Variants in VAMP7 observed in about 807,000 individuals in gnomAD.
VAMP7 encodes the protein vesicle-associated membrane protein 7.
A neutral mutation model predicts 29.6 loss-of-function variants in VAMP7; 14 were observed. The ratio of observed to expected loss-of-function variants is 0.47; its 90% CI spans 0.31 to 0.74. VAMP7 has a LOEUF of 0.74. Ranked by LOEUF, VAMP7 falls within the 30% of genes least tolerant of loss-of-function variation. The pLI, the probability that VAMP7 is intolerant of heterozygous loss-of-function variation, is 0.05. For missense variants in VAMP7, 223 were observed against 262.4 expected, an observed-to-expected ratio of 0.85 and a Z score of 1.04; for synonymous variants, 95 against 88.1, an observed-to-expected ratio of 1.08 and a Z score of -0.44.
rs904016867 is a variant in VAMP7 at position 155,923,506 on chromosome X, G to A, written c.501+3626G>A. On this transcript the variant is annotated intron_variant, in intron 6 of 7. Transcript: ENST00000286448. ...TTCTTTCTTTTAATACTTGATGAAC[G>A]GTGGTTCATCACTGTCTTTTACATT... Among the ~76,000 whole-genome samples, 28 of 151,082 alleles carry A rather than the reference G, an allele frequency of 1.9e-4. 1 individual carries two copies. The highest frequency in any genetic ancestry group is 3.8e-4 in the Non-Finnish European group (26 of 67,726).
intron 1 of VAMP7, among the ~76,000 whole-genome samples, chrX:155,885,223 A>G (rs2065851507): frequency 1.3e-5 from 2 of 152,158 alleles, no homozygotes; most frequent in Non-Finnish European, 2.9e-5. Flanking sequence ...TTAACATAGT[A>G]AAAACAGGCT....
At chrX:155,898,587 G>C (rs1443513970) in intron 4 of VAMP7, among the ~76,000 whole-genome samples, 1 of 151,992 alleles carries the variant, frequency 6.6e-6, no homozygotes, top group Non-Finnish European at 1.5e-5. Flanking sequence ...ACCCTTCCAT[G>C]AGGGAAATTT....
At chrX:155,899,083 A>G (rs2066025256) in intron 4 of VAMP7, among the ~76,000 whole-genome samples, 1 of 152,050 alleles carries the variant, frequency 6.6e-6, no homozygotes, top group African/African-American at 2.4e-5. Context: ...GCTATCATGA[A>G]TAAAGCTGCT....
chrX:155,907,527 C>T lies in VAMP7; in HGVS notation c.433+6940C>T, dbSNP rs1334050496. On this transcript the variant is annotated intron_variant, in intron 5 of 7. Transcript: ENST00000286448. Reference sequence around the variant, plus strand: ...CTGTTTAACAAAGCACATCTTGCACCGCCCTTAATCCATTTAACCCTGAGT... The same window carrying T: ...CTGTTTAACAAAGCACATCTTGCACTGCCCTTAATCCATTTAACCCTGAGT... Among the ~76,000 whole-genome samples the T allele has an allele frequency of 1.5e-4, 23 of 151,188 alleles. No homozygotes were observed. The East Asian group carries it at 1.7e-3, about 12-fold the overall frequency.
intron 5 of VAMP7, among the ~76,000 whole-genome samples, chrX:155,912,429 T>A (rs769188668): frequency 6.6e-6 from 1 of 152,224 alleles, no homozygotes; most frequent in East Asian, 1.9e-4. Context: ...GTTACATAGG[T>A]ATACACATGC....
intron 1 of VAMP7, among the ~76,000 whole-genome samples, chrX:155,881,885 C>G (rs1338486315): frequency 2.6e-5 from 4 of 152,198 alleles, no homozygotes; most frequent in Admixed American, 6.5e-5. Flanking sequence ...CCTTCCTCCA[C>G]TGCTCAGTAT....
Position 155,930,532 on chromosome X carries a change from C to A in VAMP7, c.502-9169C>A, listed in dbSNP as rs1442518319. 2.6e-5 allele frequency among the ~76,000 whole-genome samples: 4 copies of A among 151,214 alleles called. No homozygotes were observed. In the East Asian group the frequency reaches 7.8e-4, roughly 29 times the overall value. ...AGGTGTGATTGGGTGCACCTGTAGTCCTAGCTACTTGGGGGGCTGAAGATG... is the reference window on the plus strand; with the variant it reads ...AGGTGTGATTGGGTGCACCTGTAGTACTAGCTACTTGGGGGGCTGAAGATG... On this transcript the variant is annotated intron_variant, in intron 6 of 7. Transcript: ENST00000286448.
At chrX:155,887,896 A>C (rs1301753177) in intron 1 of VAMP7, among the ~76,000 whole-genome samples, 4 of 150,156 alleles carry the variant, frequency 2.7e-5, no homozygotes, top group Non-Finnish European at 5.9e-5. Flanking sequence ...GTGCCACTGC[A>C]CTCTAGCCTG....
At position 155,942,419 on chromosome X, in the gene VAMP7, GTTA is replaced by G; in HGVS notation, c.*471_*473del. On this transcript the variant is annotated 3_prime_UTR_variant, in exon 8 of 8. Coordinates refer to ENST00000286448, the MANE Select transcript of VAMP7 (RefSeq NM_005638.6). ...AAAACAATATAAATGGATAATAGTT[GTTA>G]TTTGGGGAATTGTAATGATGTTGGT... The G allele has an allele frequency of 2.4e-6, 1 of 409,822 alleles. No individual in the cohort carries two copies. The allele number at this position is 409,822 out of a possible 1,614,324, so 25.4% of individuals were successfully genotyped here.
intron 2 of VAMP7, 43 bp downstream of exon 2, chrX:155,889,655 TTC>T: frequency 6.2e-7 from 1 of 1,608,494 alleles, no homozygotes; most frequent in Non-Finnish European, 8.5e-7. Context: ...AAGAAGGGAA[TTC>T]TGTTACTCTA....
intron 5 of VAMP7, 29 bp downstream of exon 5, chrX:155,900,616 G>A: frequency 6.4e-7 from 1 of 1,564,112 alleles, no homozygotes; most frequent in South Asian, 1.2e-5. Flanking sequence ...TTTCATGCAT[G>A]TGGGCAAAAA....
Position 155,942,365 on chromosome X carries a change from T to C in VAMP7, c.*414T>C. On this transcript the variant is annotated 3_prime_UTR_variant, in exon 8 of 8. Coordinates refer to ENST00000286448, the MANE Select transcript of VAMP7 (RefSeq NM_005638.6). The stretch of plus-strand genomic sequence containing the variant: ...ATTGCTAACATCTCATCTTAATGTC[T>C]TTTGTTATTGAGAAGTTTTAGGTGC... 1.8e-6 allele frequency: 1 copy of C among 561,700 alleles called. No homozygotes were observed. 34.8% of individuals were successfully genotyped at this position (561,700 alleles called of 1,614,324 possible).
At chrX:155,889,363 A>C in intron 1 of VAMP7, 95 bp from the exon 2 acceptor site, 1 of 1,486,400 alleles carries the variant, frequency 6.7e-7, no homozygotes, top group Non-Finnish European at 9.1e-7. Context: ...GTTAGATACT[A>C]TCTCCAGGTA....
Position 155,942,188 on chromosome X carries a change from GTTTA to G in VAMP7, c.*241_*244del. 6.5e-7 allele frequency: 1 copy of G among 1,531,096 alleles called. No homozygotes were observed. The highest frequency in any genetic ancestry group is 8.8e-7 in the Non-Finnish European group (1 of 1,138,190). 94.8% of individuals were successfully genotyped at this position (1,531,096 alleles called of 1,614,324 possible). ...CAGCAGTAGCCTTAAAAAGGCTTTT[GTTTA>G]TTTCTTTGGTTTGTTAACTAGTGTC... On this transcript the variant is annotated 3_prime_UTR_variant, in exon 8 of 8. Coordinates refer to ENST00000286448, the MANE Select transcript of VAMP7 (RefSeq NM_005638.6).
intron 7 of VAMP7, among the ~76,000 whole-genome samples, chrX:155,940,553 A>G (rs1462866761): frequency 6.6e-6 from 1 of 152,052 alleles, no homozygotes; most frequent in African/African-American, 2.4e-5. Flanking sequence ...CTTACTTATT[A>G]TTTGGTCTGG....
intron 6 of VAMP7, among the ~76,000 whole-genome samples, chrX:155,929,910 T>G (rs2066523428): frequency 6.6e-6 from 1 of 152,154 alleles, no homozygotes; most frequent in African/African-American, 2.4e-5. Context: ...GATTTGATAG[T>G]TCATTAGAAG....
intron 5 of VAMP7, among the ~76,000 whole-genome samples, chrX:155,903,307 T>C (rs2066095976): frequency 6.6e-6 from 1 of 152,226 alleles, no homozygotes; most frequent in South Asian, 2.1e-4. Flanking sequence ...AAGGACTTCA[T>C]GTCTAAAACA....
intron 6 of VAMP7, among the ~76,000 whole-genome samples, chrX:155,933,035 G>T (rs759347356): frequency 6.6e-6 from 1 of 152,214 alleles, no homozygotes; most frequent in South Asian, 2.1e-4. Context: ...AACCAGCCTT[G>T]CATCCCAGGG....
At chrX:155,930,517 G>A (rs983935557) in intron 6 of VAMP7, among the ~76,000 whole-genome samples, 2 of 151,138 alleles carry the variant, frequency 1.3e-5, no homozygotes, top group African/African-American at 4.9e-5. Context: ...AGGTGTGATT[G>A]GGTGCACCTG....
Sources: gnomAD v4.1 joint callset for allele counts (sites outside exome capture counted in the v4.1 genomes callset) on GRCh38, gnomAD v4.1.1 for gene constraint, MANE v1.5 for transcripts, NCBI Gene and HGNC (gene_info 2026-07-23, HGNC 2026-07-21) for gene names.